The following NMD3 variants were observed in gnomAD, a reference collection of about 807,000 sequenced individuals.
NMD3 encodes NMD3 ribosome export adaptor.
In NMD3, 47 loss-of-function variants were observed where a neutral mutation model predicts 73.1. That is an observed-to-expected ratio of 0.64 (90% CI 0.51 to 0.82). The LOEUF is 0.82. NMD3 is among the 40% of genes least tolerant of loss of function. The pLI is 0.00. For synonymous variants in NMD3, 210 were observed against 194.5 expected (o/e 1.08, Z -0.66); for missense variants, 554 against 612.5 (o/e 0.90, Z 1.01).
chr3:161,247,184 G>C, intron 12 of NMD3, 74 bp from the exon 13 acceptor site: 1 of 882,786 alleles, frequency 1.1e-6, no homozygotes, highest in Non-Finnish European at 1.9e-6. Context: ...GGAAGTTTTA[G>C]GTGATAGCCA....
chr3:161,228,682 A>C (rs1392118299), intron 4 of NMD3, among the ~76,000 whole-genome samples: 2 of 152,022 alleles, frequency 1.3e-5, no homozygotes, highest in East Asian at 1.9e-4. Flanking sequence ...AATTCATCAG[A>C]TGTTTATTAA....
At chr3:161,248,389 C>T (rs975023804) in intron 13 of NMD3, among the ~76,000 whole-genome samples, 6 of 151,932 alleles carry the variant, frequency 3.9e-5, no homozygotes, top group African/African-American at 1.5e-4. Flanking sequence ...ACTTAGGAGG[C>T]TGAGGCAGGA....
intron 3 of NMD3, among the ~76,000 whole-genome samples, chr3:161,226,084 C>T (rs909167833): frequency 2.0e-5 from 3 of 152,084 alleles, no homozygotes; most frequent in Non-Finnish European, 4.4e-5. Flanking sequence ...AGCTGTTTAT[C>T]ATCTCTGGGC....
intron 12 of NMD3, 62 bp downstream of exon 12, chr3:161,246,510 C>G (rs759870239): frequency 1.2e-4 from 73 of 634,274 alleles, no homozygotes; most frequent in Non-Finnish European, 1.6e-4. Flanking sequence ...TGGGAACCAG[C>G]AAAACTACCT....
chr3:161,228,772 ATT>A (rs1736425353), intron 4 of NMD3, among the ~76,000 whole-genome samples: 1 of 152,166 alleles, frequency 6.6e-6, no homozygotes, highest in African/African-American at 2.4e-5. Flanking sequence ...GAAAGCGTGT[ATT>A]CTAATTGCAC....
At chr3:161,224,601 C>T (rs1736235196) in intron 2 of NMD3, among the ~76,000 whole-genome samples, 1 of 152,126 alleles carries the variant, frequency 6.6e-6, no homozygotes, top group African/African-American at 2.4e-5. Flanking sequence ...ATATGCATGC[C>T]TCAGCCTCCC....
chr3:161,235,332 G>T, intron 7 of NMD3, 120 bp downstream of exon 7: 210 of 304,214 alleles, frequency 6.9e-4, no homozygotes, highest in Non-Finnish European at 7.6e-4. Flanking sequence ...TTTCTGTTAG[G>T]AAAAAAAAAA....
intron 3 of NMD3, among the ~76,000 whole-genome samples, chr3:161,225,860 G>A (rs576350381): frequency 8.6e-5 from 13 of 151,636 alleles, no homozygotes; most frequent in Admixed American, 5.3e-4. Context: ...AAATATATAT[G>A]TGTGTGTGTG....
intron 11 of NMD3, among the ~76,000 whole-genome samples, chr3:161,242,983 A>G (rs771169432): frequency 6.6e-6 from 1 of 152,138 alleles, no homozygotes; most frequent in African/African-American, 2.4e-5. Flanking sequence ...GACTTTTAAA[A>G]AGTCATCACC....
rs1736680440 is a variant in NMD3 at position 161,234,745 on chromosome 3, C to T, written c.376C>T (p.Leu126Phe). ...TTATCAGGTGATGAATGGTGCTATC[C>T]TTCAACAAGTGTTTGTGGTGGATTA... Reference protein sequence around the residue: ...IQKEVMNGAILQQVFVVDYVV... With the variant: ...IQKEVMNGAIFQQVFVVDYVV... The change falls in exon 6 of 16, where the codon CTT becomes TTT. Residue 126 changes from leucine to phenylalanine, a missense_variant. Coordinates refer to ENST00000351193, the MANE Select transcript of NMD3 (RefSeq NM_015938.5). 1.2e-6 allele frequency: 2 copies of T among 1,612,264 alleles called. No individual in the cohort carries two copies. The highest frequency in any genetic ancestry group is 1.7e-6 in the Non-Finnish European group (2 of 1,178,984).
At chr3:161,239,041 G>A (rs900568935) in intron 9 of NMD3, among the ~76,000 whole-genome samples, 2 of 151,980 alleles carry the variant, frequency 1.3e-5, no homozygotes, top group African/African-American at 4.8e-5. Context: ...TTTTATTTTG[G>A]TGTATTAAAA....
At position 161,250,808 on chromosome 3, in the gene NMD3, C is replaced by G; in HGVS notation, c.1410C>G (p.Thr470=). ...RDSAIPVESD[T]DDEGAPRISL... ...CAGCCATCCCTGTGGAAAGTGACAC[C>G]GATGATGAAGGAGCACCTCGAATTA... The change falls in exon 16 of 16, where the codon ACC becomes ACG. Residue 470 remains threonine, a synonymous_variant. Transcript: ENST00000351193. The G allele has an allele frequency of 6.2e-7, 1 of 1,609,578 alleles. No homozygotes were observed. Among genetic ancestry groups the G allele is most frequent in the Non-Finnish European group, 8.5e-7 (1 of 1,176,702 alleles).
intron 11 of NMD3, among the ~76,000 whole-genome samples, chr3:161,244,985 T>C (rs1351307556): frequency 6.6e-6 from 1 of 152,136 alleles, no homozygotes; most frequent in African/African-American, 2.4e-5. Context: ...CTCCTGGTCT[T>C]TGAAAGCATC....
intron 4 of NMD3, 23 bp downstream of exon 4, chr3:161,227,366 G>A (rs1215396990): frequency 1.6e-6 from 2 of 1,247,008 alleles, no homozygotes; most frequent in East Asian, 6.1e-5. Flanking sequence ...GCTAAAATCA[G>A]TATTCATAGG....
intron 2 of NMD3, among the ~76,000 whole-genome samples, chr3:161,222,349 T>A (rs1406195887): frequency 6.6e-6 from 1 of 152,032 alleles, no homozygotes; most frequent in African/African-American, 2.4e-5. Flanking sequence ...TACTTTTTAC[T>A]TACTTTTTTT....
intron 3 of NMD3, 98 bp downstream of exon 3, chr3:161,225,162 G>A: frequency 7.8e-7 from 1 of 1,281,868 alleles, no homozygotes; most frequent in Admixed American, 2.6e-5. Context: ...ATGGAGTAAA[G>A]TGCATGCAAT....
intron 7 of NMD3, among the ~76,000 whole-genome samples, chr3:161,237,542 T>C (rs1393674019): frequency 1.4e-5 from 2 of 146,366 alleles, no homozygotes; most frequent in African/African-American, 5.0e-5. Context: ...AACTTTCTTT[T>C]TTTTTTTTTT....
chr3:161,240,978 A>T, intron 9 of NMD3, 68 bp from the exon 10 acceptor site: 1 of 894,878 alleles, frequency 1.1e-6, no homozygotes, highest in Non-Finnish European at 1.8e-6. Context: ...TTGGGTGTTT[A>T]TTGATGAGTG....
In NMD3 at chr3:161,242,632, T is replaced by C; in HGVS notation, c.996T>C (p.Gly332=). 1.2e-6 allele frequency: 2 copies of C among 1,612,228 alleles called. No homozygotes were observed. The highest frequency in any genetic ancestry group is 1.7e-6 in the Non-Finnish European group (2 of 1,178,906). Reference sequence around the variant, plus strand: ...TCCAAGATATAAAACGTGCTGCAGGTGCTGGAATGATATCAAAAAAGGTAA... The same window carrying C: ...TCCAAGATATAAAACGTGCTGCAGGCGCTGGAATGATATCAAAAAAGGTAA... ...SIVQDIKRAA[G]AGMISKKHTL... is the part of the protein sequence containing the mutation. The change falls in exon 11 of 16, where the codon GGT becomes GGC. Residue 332 remains glycine (G), a synonymous_variant. Coordinates refer to ENST00000351193, the MANE Select transcript of NMD3 (RefSeq NM_015938.5).
Sources: gnomAD v4.1 joint callset for allele counts (sites outside exome capture counted in the v4.1 genomes callset) on GRCh38, gnomAD v4.1.1 for gene constraint, MANE v1.5 for transcripts, NCBI Gene and HGNC (gene_info 2026-07-23, HGNC 2026-07-21) for gene names.